Variants in WNT5B observed in about 807,000 individuals in gnomAD.
WNT5B encodes the protein protein Wnt-5b.
WNT5B carries 18 observed loss-of-function variants against 36.5 expected under a neutral mutation model. That is an observed-to-expected ratio of 0.49 (90% CI 0.34 to 0.73). The LOEUF is 0.73. Ranked by LOEUF, WNT5B falls within the 30% of genes least tolerant of loss-of-function variation. The pLI, the probability that WNT5B is intolerant of heterozygous loss-of-function variation, is 0.01. For missense variants in WNT5B, 424 were observed against 508.4 expected, an observed-to-expected ratio of 0.83 and a Z score of 1.60; for synonymous variants, 213 against 212.3, an observed-to-expected ratio of 1.00 and a Z score of -0.03.
upstream of WNT5B, among the ~76,000 whole-genome samples, chr12:1,627,104 C>A (rs188233904): frequency 2.0e-5 from 3 of 152,238 alleles, no homozygotes; most frequent in Admixed American, 2.0e-4. The surrounding 1 kb of genome is among the most constrained non-coding windows in gnomAD (Gnocchi z 5.0). Context: ...TTAAATGCTG[C>A]GGCTAAAACA....
Position 1,633,069 on chromosome 12 carries a change from G to A in WNT5B, c.328+164G>A, listed in dbSNP as rs1354150228. 6.6e-6 allele frequency among the ~76,000 whole-genome samples: 1 copy of A among 152,208 alleles called. No individual in the cohort carries two copies. The highest frequency in any genetic ancestry group is 6.5e-5 in the Admixed American group (1 of 15,280). On this transcript the variant is annotated intron_variant, in intron 3 of 4. Coordinates refer to ENST00000397196, the MANE Select transcript of WNT5B (RefSeq NM_032642.3). This position sits in a 1 kb window ranked among gnomAD's most constrained non-coding sequence, Gnocchi z 4.8. Reference sequence around the variant, plus strand: ...CACCACGAGAGAGGCACACGAGGAAGCAGGCTCTGGGAGGCTGCAGAAACC... The same window carrying A: ...CACCACGAGAGAGGCACACGAGGAAACAGGCTCTGGGAGGCTGCAGAAACC...
At chr12:1,634,671 T>C (rs1305646493) in intron 3 of WNT5B, among the ~76,000 whole-genome samples, 1 of 152,174 alleles carries the variant, frequency 6.6e-6, no homozygotes, top group Non-Finnish European at 1.5e-5. Context: ...CTGTCCTCCC[T>C]TCCTCCCCCC....
At position 1,618,012 on chromosome 12, in the gene WNT5B, T is replaced by C. The variant is rs6489299; in HGVS notation, c.-58+869T>C. 0.81 allele frequency among the ~76,000 whole-genome samples: 123,110 copies of C among 151,910 alleles called. 50,613 individuals carry two copies. Among genetic ancestry groups the C allele is most frequent in the Middle Eastern group, 0.87 (253 of 290 alleles). ...AAAAACTTAACCAGACACAGTGGCT[T>C]ACACCTGTAGTCCCAGCTACTCAGG... On this transcript the variant is annotated intron_variant, in intron 1 of 4. Transcript: ENST00000310594. This position sits in a 1 kb window ranked among gnomAD's most constrained non-coding sequence, Gnocchi z 4.1.
At chr12:1,634,589 G>A (rs2094557049) in intron 3 of WNT5B, among the ~76,000 whole-genome samples, 1 of 152,138 alleles carries the variant, frequency 6.6e-6, no homozygotes, top group African/African-American at 2.4e-5. Context: ...TTACAAAATG[G>A]AACCCTTCTG....
In WNT5B at chr12:1,618,565, C is replaced by G. The variant is rs776758195; in HGVS notation, c.-58+1422C>G. On this transcript the variant is annotated intron_variant, in intron 1 of 4. Coordinates refer to the WNT5B transcript ENST00000310594. This position sits in a 1 kb window ranked among gnomAD's most constrained non-coding sequence, Gnocchi z 4.1. ...CTCTTGAAACAATTCCTAAACCACA[C>G]TGACCTGTGACCTATACACTTCTGC... Among the ~76,000 whole-genome samples, 1 of 152,234 alleles carries G rather than the reference C, an allele frequency of 6.6e-6. No homozygotes were observed. Among genetic ancestry groups the G allele is most frequent in the Non-Finnish European group, 1.5e-5 (1 of 68,042 alleles).
At chr12:1,638,432 C>G (rs1452925335) in intron 3 of WNT5B, among the ~76,000 whole-genome samples, 1 of 152,160 alleles carries the variant, frequency 6.6e-6, no homozygotes, top group Non-Finnish European at 1.5e-5. Context: ...GCAGCTGCAC[C>G]GCTTAACCAT....
intron 4 of WNT5B, among the ~76,000 whole-genome samples, chr12:1,643,686 CTTTT>C (rs368172169): frequency 6.2e-5 from 6 of 97,440 alleles, no homozygotes; most frequent in Non-Finnish European, 7.5e-5. Context: ...TTTTTGAAAG[CTTTT>C]TTTTTTTTTT....
chr12:1,638,925 G>T (rs774946138), intron 3 of WNT5B, among the ~76,000 whole-genome samples: 3 of 152,134 alleles, frequency 2.0e-5, no homozygotes, highest in Non-Finnish European at 4.4e-5. Flanking sequence ...TGGCATCTGT[G>T]AGGGAGACAT....
chr12:1,623,386 G>A (rs986689113), intron 1 of WNT5B, among the ~76,000 whole-genome samples: 2 of 151,160 alleles, frequency 1.3e-5, no homozygotes, highest in African/African-American at 4.9e-5. Context: ...TAGTAGAGAT[G>A]AGGTTTCACC....
chr12:1,625,802 T>A (rs2094540112), upstream of WNT5B, among the ~76,000 whole-genome samples: 1 of 151,796 alleles, frequency 6.6e-6, no homozygotes, highest in East Asian at 1.9e-4. Context: ...TATCTGGAAT[T>A]ACAGGCACCC....
intron 1 of WNT5B, among the ~76,000 whole-genome samples, chr12:1,619,973 T>C (rs957122871): frequency 2.0e-5 from 3 of 152,156 alleles, no homozygotes; most frequent in African/African-American, 7.2e-5. Context: ...AGACCATAAT[T>C]GTACTTTCCG....
chr12:1,623,034 G>A (rs1268808513), intron 1 of WNT5B, among the ~76,000 whole-genome samples: 2 of 151,942 alleles, frequency 1.3e-5, no homozygotes, highest in Non-Finnish European at 2.9e-5. Context: ...TGGGTAAGGA[G>A]GTATCAGGAG....
chr12:1,625,979 CT>C (rs547219559), upstream of WNT5B, among the ~76,000 whole-genome samples: 3,355 of 134,324 alleles, frequency 0.025, 44 homozygotes, highest in Middle Eastern at 0.043. Flanking sequence ...TTTTCTCTCT[CT>C]TTTTTTTTTT....
At position 1,639,339 on chromosome 12, in the gene WNT5B, C is replaced by T. The variant is rs992997270; in HGVS notation, c.329-345C>T. Among the ~76,000 whole-genome samples, 9 of 152,096 alleles carry T rather than the reference C, an allele frequency of 5.9e-5. 1 individual carries two copies. The highest frequency in any genetic ancestry group is 4.1e-4 in the South Asian group (2 of 4,824). ...TTTTTAGTTGAGACGAAGGTTTCAC[C>T]GTGTTGGCCAGGCTGGTCTCGATCT... On this transcript the variant is annotated intron_variant, in intron 3 of 4. Coordinates refer to ENST00000397196, the MANE Select transcript of WNT5B (RefSeq NM_032642.3).
In WNT5B at chr12:1,645,834, G is replaced by A. The variant is rs1283212717; in HGVS notation, c.662G>A (p.Gly221Asp). Reference protein sequence around the residue: ...KMADVACKCHGVSGSCSLKTC... With the variant: ...KMADVACKCHDVSGSCSLKTC... Reference sequence around the variant, plus strand: ...GCAGACGTAGCCTGCAAATGCCACGGCGTCTCGGGGTCCTGCAGCCTCAAG... The same window carrying A: ...GCAGACGTAGCCTGCAAATGCCACGACGTCTCGGGGTCCTGCAGCCTCAAG... Residue 221 changes from glycine to aspartate, a missense_variant, in exon 5 of 5, where the codon GGC becomes GAC. Physicochemically the swap from Gly to Asp is moderately conservative, Grantham distance 94 (BLOSUM62 -1). Transcript: ENST00000397196. The A allele has an allele frequency of 1.9e-6, 3 of 1,603,512 alleles. No homozygotes were observed. Among genetic ancestry groups the A allele is most frequent in the Non-Finnish European group, 2.6e-6 (3 of 1,173,508 alleles).
intron 3 of WNT5B, among the ~76,000 whole-genome samples, chr12:1,638,156 G>T (rs2094565782): frequency 6.6e-6 from 1 of 152,164 alleles, no homozygotes; most frequent in African/African-American, 2.4e-5. Flanking sequence ...TGAGACAGGA[G>T]AATGGCGTGA....
chr12:1,619,156 T>A (rs1282074707), intron 1 of WNT5B, among the ~76,000 whole-genome samples: 1 of 146,910 alleles, frequency 6.8e-6, no homozygotes, highest in Non-Finnish European at 1.5e-5. Flanking sequence ...AGACATTTCT[T>A]CTCCTGCAAG....
upstream of WNT5B, among the ~76,000 whole-genome samples, chr12:1,627,307 G>A (rs2094542623): frequency 6.6e-6 from 1 of 152,218 alleles, no homozygotes; most frequent in Admixed American, 6.5e-5. This position sits in a 1 kb window ranked among gnomAD's most constrained non-coding sequence, Gnocchi z 5.0. Context: ...GAGGAGAGGG[G>A]CAGATGTGGG....
chr12:1,626,674 C>T (rs1457187149), upstream of WNT5B, among the ~76,000 whole-genome samples: 2 of 152,044 alleles, frequency 1.3e-5, no homozygotes, highest in African/African-American at 4.8e-5. Context: ...ACGCCATTCT[C>T]CTGCCTCAGC....
Sources: gnomAD v4.1 joint callset for allele counts (sites outside exome capture counted in the v4.1 genomes callset) on GRCh38, gnomAD v4.1.1 for gene constraint, Gnocchi (gnomAD v3.1) non-coding constraint, MANE v1.5 for transcripts, NCBI Gene and HGNC (gene_info 2026-07-23, HGNC 2026-07-21) for gene names.